The following SLC38A9 variants were observed in gnomAD, a reference collection of about 807,000 sequenced individuals.
SLC38A9 encodes solute carrier family 38 member 9.
In SLC38A9, 48 loss-of-function variants were observed where a neutral mutation model predicts 62.3. The observed-to-expected ratio is 0.77, with a 90% CI of 0.61 to 0.98. The LOEUF (loss-of-function observed/expected upper bound fraction) is 0.98. SLC38A9 is among the 50% of genes least tolerant of loss of function. The pLI, the probability that SLC38A9 is intolerant of heterozygous loss-of-function variation, is 0.00. For missense variants in SLC38A9, 541 were observed against 679.8 expected, an observed-to-expected ratio of 0.80 and a Z score of 2.27; for synonymous variants, 204 against 227.7, an observed-to-expected ratio of 0.90 and a Z score of 0.94.
chr5:55,645,928 C>T (rs1254734830), intron 11 of SLC38A9, 33 bp from the exon 12 acceptor site: 2 of 1,423,650 alleles, frequency 1.4e-6, no homozygotes, highest in Non-Finnish European at 9.7e-7. Flanking sequence ...AACATTAAAA[C>T]TGACAATTAG....
At chr5:55,678,551 G>T (rs1385664274) in intron 3 of SLC38A9, among the ~76,000 whole-genome samples, 1 of 149,288 alleles carries the variant, frequency 6.7e-6, no homozygotes, top group African/African-American at 2.5e-5. Flanking sequence ...ATCACTAAAT[G>T]TAAGAATTGA....
chr5:55,665,101 T>C (rs908720578), intron 7 of SLC38A9: 11 of 221,984 alleles, frequency 5.0e-5, no homozygotes, highest in Non-Finnish European at 8.7e-5. Context: ...CATTTTATAA[T>C]TCATAAAAGC....
chr5:55,689,361 T>A (rs1754407525), intron 3 of SLC38A9, among the ~76,000 whole-genome samples: 1 of 152,160 alleles, frequency 6.6e-6, no homozygotes, highest in Admixed American at 6.5e-5. Context: ...AATGTGTAAT[T>A]TTCACACCAA....
intron 1 of SLC38A9, among the ~76,000 whole-genome samples, 186 bp from the exon 2 acceptor site, chr5:55,711,685 A>G (rs1004551523): frequency 6.6e-6 from 1 of 152,126 alleles, no homozygotes; most frequent in Non-Finnish European, 1.5e-5. Context: ...CAAGGCCCAA[A>G]GGGGGTTCCT....
intron 10 of SLC38A9, among the ~76,000 whole-genome samples, chr5:55,650,533 A>G (rs1290839871): frequency 6.6e-6 from 1 of 152,136 alleles, no homozygotes. Context: ...TTCACAGAAA[A>G]GTTGGCAAGC....
At chr5:55,707,789 T>C (rs746681766) in intron 2 of SLC38A9, among the ~76,000 whole-genome samples, 20 of 152,212 alleles carry the variant, frequency 1.3e-4, no homozygotes, top group Non-Finnish European at 2.6e-4. Context: ...TTGCCAATGT[T>C]ATAGTATTAA....
chr5:55,639,415 G>A (rs1319187643), intron 12 of SLC38A9, among the ~76,000 whole-genome samples: 1 of 152,104 alleles, frequency 6.6e-6, no homozygotes, highest in Non-Finnish European at 1.5e-5. Context: ...CTATTTAGGA[G>A]TTTGTTTCTT....
intron 3 of SLC38A9, 147 bp downstream of exon 3, chr5:55,697,698 CT>C: frequency 2.6e-6 from 1 of 385,874 alleles, no homozygotes; most frequent in East Asian, 4.2e-5. Context: ...AATAGTATTC[CT>C]ATTTACTTCT....
chr5:55,703,374 A>G (rs1245192914), intron 2 of SLC38A9, among the ~76,000 whole-genome samples: 1 of 152,202 alleles, frequency 6.6e-6, no homozygotes, highest in African/African-American at 2.4e-5. Flanking sequence ...TAGCTTAGTA[A>G]TAGATCAGTG....
intron 14 of SLC38A9, among the ~76,000 whole-genome samples, chr5:55,630,977 C>CA: frequency 1.3e-5 from 2 of 151,790 alleles, no homozygotes; most frequent in Non-Finnish European, 2.9e-5. Context: ...ACTAAAAACA[C>CA]AAAAAATTAG....
At chr5:55,631,527 C>T (rs1457028274) in intron 14 of SLC38A9, among the ~76,000 whole-genome samples, 1 of 152,130 alleles carries the variant, frequency 6.6e-6, no homozygotes, top group African/African-American at 2.4e-5. Context: ...AATATAAATA[C>T]AGCAGAGTAG....
chr5:55,642,273 C>T (rs1745556354), intron 12 of SLC38A9, among the ~76,000 whole-genome samples: 1 of 152,234 alleles, frequency 6.6e-6, no homozygotes, highest in African/African-American at 2.4e-5. Flanking sequence ...TCTCAATCTC[C>T]TGACCTTGTG....
chr5:55,669,163 G>C (rs1371874838), intron 7 of SLC38A9, 65 bp downstream of exon 7: 1 of 1,177,742 alleles, frequency 8.5e-7, no homozygotes, highest in Non-Finnish European at 1.2e-6. Context: ...ACACACTAGT[G>C]ATCTGCCTCA....
At chr5:55,705,526 A>T (rs1757182302) in intron 2 of SLC38A9, among the ~76,000 whole-genome samples, 1 of 152,076 alleles carries the variant, frequency 6.6e-6, no homozygotes, top group African/African-American at 2.4e-5. Context: ...TAAGCTAAGA[A>T]AACCATACTT....
intron 12 of SLC38A9, among the ~76,000 whole-genome samples, chr5:55,639,922 T>A (rs73123897): frequency 0.049 from 7,240 of 147,550 alleles, 299 homozygotes; most frequent in African/African-American, 0.11. Flanking sequence ...AGGTAGACCA[T>A]CACTTCATAA....
In SLC38A9 at chr5:55,672,727, G is replaced by A. The variant is rs78056649; in HGVS notation, c.114-32C>T. On this transcript the variant is annotated intron_variant, in intron 3 of 15. Transcript: ENST00000396865. ...AGGGAATATACACTTGACAAAAAGT[G>A]TTCAGCCAAAAATTCTGGAAGTCAG... 1.5e-5 allele frequency: 24 copies of A among 1,588,270 alleles called. No homozygotes were observed. In the East Asian group the frequency reaches 5.4e-4, roughly 36 times the overall value.
At position 55,642,926 on chromosome 5, in the gene SLC38A9, T is replaced by C. The variant is rs73125610; in HGVS notation, c.1167+2863A>G. On this transcript the variant is annotated intron_variant, in intron 12 of 15. Transcript: ENST00000396865. ...GAAAGGTTTTTGCCTTCTTAATGAC[T>C]GCCAAACATTACCCCTTACTCAAAG... 4.3e-3 allele frequency among the ~76,000 whole-genome samples: 652 copies of C among 152,368 alleles called. 4 individuals carry two copies. Among genetic ancestry groups the C allele is most frequent in the African/African-American group, 0.015 (614 of 41,590 alleles).
intron 14 of SLC38A9, among the ~76,000 whole-genome samples, chr5:55,632,198 A>G (rs1443639500): frequency 2.0e-5 from 3 of 152,146 alleles, no homozygotes; most frequent in Non-Finnish European, 4.4e-5. Flanking sequence ...AGCACTTTGG[A>G]AGGCTGAGGC....
intron 2 of SLC38A9, among the ~76,000 whole-genome samples, chr5:55,700,360 C>CAA (rs3042053): frequency 1.4e-4 from 19 of 140,086 alleles, no homozygotes; most frequent in African/African-American, 3.7e-4. Flanking sequence ...TAAAACAAGC[C>CAA]AAAAAAAAAA....
Sources: gnomAD v4.1 joint callset for allele counts (sites outside exome capture counted in the v4.1 genomes callset) on GRCh38, gnomAD v4.1.1 for gene constraint, MANE v1.5 for transcripts, NCBI Gene and HGNC (gene_info 2026-07-23, HGNC 2026-07-21) for gene names.